The following BCAS1 variants were observed in gnomAD, a reference collection of about 807,000 sequenced individuals.
The protein encoded by BCAS1 is brain enriched myelin associated protein 1, also known as breast carcinoma-amplified sequence 1.
A neutral mutation model predicts 65.4 loss-of-function variants in BCAS1; 46 were observed. The ratio of observed to expected loss-of-function variants is 0.70; its 90% confidence interval spans 0.55 to 0.90. BCAS1 has a LOEUF of 0.90. BCAS1 is among the 40% of genes least tolerant of loss of function. The pLI is 0.00. For synonymous variants in BCAS1, 298 were observed against 293.5 expected (o/e 1.02, Z -0.16); for missense variants, 793 against 771.2 (o/e 1.03, Z -0.33).
rs2092041685 is a variant in BCAS1 at position 54,043,622 on chromosome 20, T to TGA, written c.142+14461_142+14462dup. On this transcript the variant is annotated intron_variant, in intron 3 of 12. Transcript: ENST00000688948. Reference sequence around the variant, plus strand: ...GCAAACTCCATTTCATTCAGAGCCTTGAGCCAGTTCTTACATGGTCCTCAG... The same window carrying TGA: ...GCAAACTCCATTTCATTCAGAGCCTTGAGAGCCAGTTCTTACATGGTCCTCAG... Among the ~76,000 whole-genome samples, 6 of 152,280 alleles carry TGA rather than the reference T, an allele frequency of 3.9e-5. 1 individual carries two copies. The South Asian group carries it at 1.2e-3, about 32-fold the overall frequency.
rs566532306 is a variant in BCAS1, at chr20:54,012,935, T to A, written c.723+15457A>T. Among the ~76,000 whole-genome samples the A allele has an allele frequency of 3.3e-5, 5 of 152,342 alleles. No individual in the cohort carries two copies. In the East Asian group the frequency reaches 7.7e-4, roughly 23 times the overall value. On this transcript the variant is annotated intron_variant, in intron 4 of 12. Coordinates refer to ENST00000688948, the MANE Select transcript of BCAS1 (RefSeq NM_001366298.2). ...CTGCACTGATTCTATCTCCTTTCCT[T>A]CAGATGTTTACTCAAATATTATCTT...
chr20:53,948,310 C>G (rs950783789), intron 12 of BCAS1, among the ~76,000 whole-genome samples: 5 of 152,158 alleles, frequency 3.3e-5, no homozygotes, highest in African/African-American at 4.8e-5. Flanking sequence ...CTGCCACGGG[C>G]CTGAACTTTG....
chr20:53,974,858 AG>A (rs2090282843), intron 9 of BCAS1, among the ~76,000 whole-genome samples: 1 of 152,224 alleles, frequency 6.6e-6, no homozygotes. Flanking sequence ...ATTAAAAGCC[AG>A]GAAAACTGTG....
intron 9 of BCAS1, among the ~76,000 whole-genome samples, chr20:53,975,062 A>C (rs1168357470): frequency 6.6e-6 from 1 of 152,246 alleles, no homozygotes; most frequent in Non-Finnish European, 1.5e-5. Context: ...GGTGGAATGA[A>C]GCAGAAGGCG....
intron 7 of BCAS1, 66 bp from the exon 8 acceptor site, chr20:53,985,565 T>A (rs922578757): frequency 5.6e-6 from 8 of 1,433,670 alleles, no homozygotes. Flanking sequence ...AAATGGAAGA[T>A]CTCTTTTTAA....
At chr20:53,998,563 C>T (rs2090978364) in intron 4 of BCAS1, among the ~76,000 whole-genome samples, 1 of 152,198 alleles carries the variant, frequency 6.6e-6, no homozygotes, top group Admixed American at 6.5e-5. Flanking sequence ...GCTCAGTTAC[C>T]ACCAAGGAGA....
intron 7 of BCAS1, among the ~76,000 whole-genome samples, chr20:53,986,754 G>T (rs892534581): frequency 2.6e-5 from 4 of 152,032 alleles, no homozygotes; most frequent in Non-Finnish European, 5.9e-5. Flanking sequence ...AAAATTAGCT[G>T]GGCATGGTGG....
rs1339611148 is a variant in BCAS1, at chr20:54,028,785, T to C, written c.330A>G (p.Gln110=). The C allele has an allele frequency of 6.2e-7, 1 of 1,614,074 alleles. No individual in the cohort carries two copies. The highest frequency in any genetic ancestry group is 1.7e-5 in the Admixed American group (1 of 60,008). ...CTGATCCAAGGGATGAATCTGCGGC[T>C]TGGTCTCCGGTACGTCCTGGTACAG... is the stretch of plus-strand genomic sequence containing the variant. The part of the protein sequence containing the change: ...SRPVPGRTGD[Q]AADSSLGSVK... The change falls in exon 4 of 13, where the codon CAA becomes CAG. Residue 110 remains glutamine (Q), a synonymous_variant. Coordinates refer to ENST00000688948, the MANE Select transcript of BCAS1 (RefSeq NM_001366298.2).
intron 4 of BCAS1, among the ~76,000 whole-genome samples, chr20:54,004,401 C>T (rs948448823): frequency 6.6e-6 from 1 of 152,186 alleles, no homozygotes; most frequent in South Asian, 2.1e-4. Flanking sequence ...GCAGCCTGAA[C>T]TAAGACAATG....
intron 4 of BCAS1, among the ~76,000 whole-genome samples, chr20:54,021,730 G>C (rs1417879819): frequency 6.6e-6 from 1 of 152,072 alleles, no homozygotes; most frequent in Admixed American, 6.6e-5. Flanking sequence ...GGGCCTGTCG[G>C]GGGTTGGGGG....
At chr20:54,022,715 A>C (rs1162767919) in intron 4 of BCAS1, among the ~76,000 whole-genome samples, 1 of 152,204 alleles carries the variant, frequency 6.6e-6, no homozygotes, top group Non-Finnish European at 1.5e-5. Context: ...TTTAACAATA[A>C]AAACAGATAA....
intron 3 of BCAS1, among the ~76,000 whole-genome samples, chr20:54,054,019 G>T (rs998758792): frequency 1.2e-4 from 19 of 152,228 alleles, no homozygotes; most frequent in African/African-American, 4.6e-4. Flanking sequence ...AATCATGGCA[G>T]ATGACGAAGG....
intron 3 of BCAS1, among the ~76,000 whole-genome samples, chr20:54,057,061 C>T (rs2146318510): frequency 6.6e-6 from 1 of 152,288 alleles, no homozygotes. Flanking sequence ...GCTATACTAC[C>T]TCTTCTTACA....
intron 12 of BCAS1, among the ~76,000 whole-genome samples, chr20:53,945,844 T>C (rs2089297070): frequency 6.6e-6 from 1 of 152,150 alleles, no homozygotes; most frequent in South Asian, 2.1e-4. Flanking sequence ...GGGACTATGT[T>C]CACTGTAGCC....
At chr20:53,991,003 A>G (rs922748866) in intron 7 of BCAS1, among the ~76,000 whole-genome samples, 5 of 152,222 alleles carry the variant, frequency 3.3e-5, no homozygotes, top group Non-Finnish European at 1.5e-5. Flanking sequence ...CCTAGGAATG[A>G]TAACATTGAA....
At chr20:54,067,749 G>A (rs1379889018) in intron 1 of BCAS1, among the ~76,000 whole-genome samples, 2 of 152,218 alleles carry the variant, frequency 1.3e-5, no homozygotes, top group African/African-American at 2.4e-5. Context: ...GCAGCTAGAC[G>A]ACTGTTGAAT....
chr20:54,061,816 C>G (rs538976856), intron 1 of BCAS1, among the ~76,000 whole-genome samples: 2 of 152,190 alleles, frequency 1.3e-5, no homozygotes, highest in Non-Finnish European at 2.9e-5. Flanking sequence ...ATCAGATCAT[C>G]GCTTCTGTCT....
chr20:53,968,062 T>C (rs1600731515), intron 9 of BCAS1, among the ~76,000 whole-genome samples: 1 of 152,366 alleles, frequency 6.6e-6, no homozygotes, highest in Non-Finnish European at 1.5e-5. Context: ...TCGTGCTACG[T>C]TGCCCATGCT....
chr20:53,976,509 G>A (rs536476054), intron 8 of BCAS1, among the ~76,000 whole-genome samples: 90 of 152,048 alleles, frequency 5.9e-4, no homozygotes, highest in Non-Finnish European at 9.4e-4. Flanking sequence ...GGCATCTTGC[G>A]TTATATATCA....
Sources: gnomAD v4.1 joint callset for allele counts (sites outside exome capture counted in the v4.1 genomes callset) on GRCh38, gnomAD v4.1.1 for gene constraint, MANE v1.5 for transcripts, NCBI Gene and HGNC (gene_info 2026-07-23, HGNC 2026-07-21) for gene names.